Variants in FRMD3 observed in about 807,000 individuals in gnomAD.
FRMD3 encodes FERM domain containing 3, also known as FERM domain-containing protein 3.
FRMD3 carries 33 observed loss-of-function variants against 70.2 expected under a neutral mutation model. That is an observed-to-expected ratio of 0.47 (90% CI 0.36 to 0.63). The LOEUF (loss-of-function observed/expected upper bound fraction) is 0.63, where lower values mean the gene tolerates loss of function less well. Among genes scored for constraint, FRMD3 ranks in the 20% least tolerant of loss-of-function variants. The probability of loss-of-function intolerance (pLI) is 0.00; values close to 1 mark genes in which losing one functional copy is unlikely to be tolerated. For synonymous variants in FRMD3, 279 were observed against 255.9 expected (o/e 1.09, Z -0.86); for missense variants, 632 against 711.4 (o/e 0.89, Z 1.27).
rs1158473884 is a variant in FRMD3 at position 83,507,732 on chromosome 9, A to ATCTATCTATCTATC, written c.147+30352_147+30353insGATAGATAGATAGA. 1.8e-4 allele frequency among the ~76,000 whole-genome samples: 17 copies of ATCTATCTATCTATC among 92,956 alleles called. 1 individual carries two copies. The highest frequency in any genetic ancestry group is 3.7e-4 in the Non-Finnish European group (16 of 42,780). 61.0% of individuals were successfully genotyped at this position (92,956 alleles called of 152,430 possible). ...TATATATATATATATATATATATAT[A>ATCTATCTATCTATC]TATATATCTTCTGGAATATTTCCTG... On this transcript the variant is annotated intron_variant, in intron 1 of 13. Coordinates refer to ENST00000304195, the MANE Select transcript of FRMD3 (RefSeq NM_174938.6).
At chr9:83,457,311 G>T (rs1827846041) in intron 1 of FRMD3, among the ~76,000 whole-genome samples, 1 of 152,316 alleles carries the variant, frequency 6.6e-6, no homozygotes, top group East Asian at 1.9e-4. Flanking sequence ...GATTTAGGCT[G>T]TATAGCATTC....
At chr9:83,499,061 C>T (rs1402187083) in intron 1 of FRMD3, among the ~76,000 whole-genome samples, 1 of 152,114 alleles carries the variant, frequency 6.6e-6, no homozygotes. Context: ...CTTCCTGAAA[C>T]AGGAAAAGCT....
chr9:83,562,450 G>T, the FRMD3 span, among the ~76,000 whole-genome samples: 1 of 152,218 alleles, frequency 6.6e-6, no homozygotes, highest in African/African-American at 2.4e-5. Context: ...ACCACTGGGA[G>T]ATGATCTGAA....
intron 1 of FRMD3, among the ~76,000 whole-genome samples, chr9:83,532,422 C>A (rs1487820031): frequency 6.6e-6 from 1 of 152,212 alleles, no homozygotes; most frequent in Non-Finnish European, 1.5e-5. Flanking sequence ...TAACAACACA[C>A]ACTACAAAGG....
At position 83,245,459 on chromosome 9, in the gene FRMD3, C is replaced by G; in HGVS notation, c.*2459G>C. 2 of 985,016 alleles carry G rather than the reference C, an allele frequency of 2.0e-6. No homozygotes were observed. Among genetic ancestry groups the G allele is most frequent in the Non-Finnish European group, 2.4e-6 (2 of 829,630 alleles). 61.0% of individuals were successfully genotyped at this position (985,016 alleles called of 1,614,324 possible). ...TTAAATTCAGCAGACCCTATTCTGT[C>G]AACTTCTTCACTTAAAAACATTTCT... On this transcript the variant is annotated 3_prime_UTR_variant, in exon 14 of 14. Coordinates refer to ENST00000304195, the MANE Select transcript of FRMD3 (RefSeq NM_174938.6).
chr9:83,573,217 A>G, the FRMD3 span, among the ~76,000 whole-genome samples: 1 of 151,220 alleles, frequency 6.6e-6, no homozygotes, highest in Non-Finnish European at 1.5e-5. Context: ...AAGAGCACCA[A>G]AAAAAAGGAA....
the FRMD3 span, among the ~76,000 whole-genome samples, chr9:83,563,669 CTCCTTGAG>C: frequency 6.6e-6 from 1 of 152,288 alleles, no homozygotes; most frequent in East Asian, 1.9e-4. Flanking sequence ...ATTTTAACTA[CTCCTTGAG>C]TCCTCTCCAG....
At chr9:83,417,405 CTTGT>C (rs1260032887) in intron 1 of FRMD3, among the ~76,000 whole-genome samples, 6 of 152,282 alleles carry the variant, frequency 3.9e-5, no homozygotes, top group South Asian at 2.1e-4. Context: ...TGTTTATTTG[CTTGT>C]TTGTTTTAAT....
At chr9:83,506,344 T>C (rs1829181371) in intron 1 of FRMD3, among the ~76,000 whole-genome samples, 1 of 152,194 alleles carries the variant, frequency 6.6e-6, no homozygotes, top group African/African-American at 2.4e-5. Context: ...CTGAGAAATA[T>C]GTTGTTAGGC....
intron 1 of FRMD3, among the ~76,000 whole-genome samples, chr9:83,461,244 AT>A (rs1204613705): frequency 6.6e-6 from 1 of 152,208 alleles, no homozygotes; most frequent in African/African-American, 2.4e-5. Flanking sequence ...AAATTTGAAG[AT>A]GCTGGCTTTG....
At chr9:83,401,531 C>T (rs1825950331) in intron 1 of FRMD3, among the ~76,000 whole-genome samples, 1 of 152,172 alleles carries the variant, frequency 6.6e-6, no homozygotes, top group South Asian at 2.1e-4. Context: ...GATTAAGCTG[C>T]AGTAACAAAG....
At chr9:83,528,260 T>C (rs1462742218) in intron 1 of FRMD3, among the ~76,000 whole-genome samples, 1 of 151,786 alleles carries the variant, frequency 6.6e-6, no homozygotes, top group Non-Finnish European at 1.5e-5. Flanking sequence ...AGCCTAGCCT[T>C]GTCCTTCTAC....
At chr9:83,420,607 T>C (rs1458832745) in intron 1 of FRMD3, among the ~76,000 whole-genome samples, 1 of 152,168 alleles carries the variant, frequency 6.6e-6, no homozygotes, top group Non-Finnish European at 1.5e-5. Flanking sequence ...TGATATGGTT[T>C]GGATATTTCA....
At chr9:83,263,810 T>C (rs1458962449) in intron 13 of FRMD3, among the ~76,000 whole-genome samples, 1 of 152,154 alleles carries the variant, frequency 6.6e-6, no homozygotes, top group Non-Finnish European at 1.5e-5. Context: ...TCATTCAAAA[T>C]AGCCAAATGC....
chr9:83,506,774 T>C (rs1829191261), intron 1 of FRMD3, among the ~76,000 whole-genome samples: 2 of 152,354 alleles, frequency 1.3e-5, no homozygotes, highest in Middle Eastern at 3.4e-3. Flanking sequence ...TATAAGCTTT[T>C]TAACTTTTTA....
intron 1 of FRMD3, among the ~76,000 whole-genome samples, chr9:83,481,073 G>A (rs182306985): frequency 4.1e-4 from 62 of 152,288 alleles, no homozygotes; most frequent in African/African-American, 1.4e-3. Context: ...AAAAGCAAAG[G>A]AATGATGAAC....
Position 83,310,563 on chromosome 9 carries a change from T to C in FRMD3, c.774-15A>G, listed in dbSNP as rs1261592646. The C allele has an allele frequency of 6.3e-7, 1 of 1,579,490 alleles. No homozygotes were observed. The highest frequency in any genetic ancestry group is 2.3e-5 in the East Asian group (1 of 43,734). The stretch of plus-strand genomic sequence containing the variant: ...AGACATCTGGCCTAAGAAAAGAAAA[T>C]CTCTGGGTAAGAAGAAAAAAAGTGG... On this transcript the variant is annotated splice_polypyrimidine_tract_variant and intron_variant, in intron 8 of 13. Transcript: ENST00000304195.
At chr9:83,361,384 A>G (rs890446849) in intron 3 of FRMD3, among the ~76,000 whole-genome samples, 2 of 152,230 alleles carry the variant, frequency 1.3e-5, no homozygotes, top group Non-Finnish European at 2.9e-5. Context: ...CCAGTGCTGG[A>G]GATTATGATT....
At chr9:83,328,100 A>C (rs1564017715) in intron 6 of FRMD3, among the ~76,000 whole-genome samples, 1 of 152,090 alleles carries the variant, frequency 6.6e-6, no homozygotes, top group Non-Finnish European at 1.5e-5. Flanking sequence ...ACGGAAACTC[A>C]AATTTCAGGT....
Sources: gnomAD v4.1 joint callset for allele counts (sites outside exome capture counted in the v4.1 genomes callset) on GRCh38, gnomAD v4.1.1 for gene constraint, MANE v1.5 for transcripts, NCBI Gene and HGNC (gene_info 2026-07-23, HGNC 2026-07-21) for gene names.